The following SPON2 variants were observed in gnomAD, a reference collection of about 807,000 sequenced individuals.
The protein encoded by SPON2 is spondin 2.
In SPON2, 32 loss-of-function variants were observed where a neutral mutation model predicts 29.9. The observed-to-expected ratio is 1.07, with a 90% CI of 0.81 to 1.44. The LOEUF is 1.44. Ranked by LOEUF, SPON2 falls within the 40% of genes most tolerant of loss-of-function variation. The pLI, the probability that SPON2 is intolerant of heterozygous loss-of-function variation, is 0.00. For synonymous variants in SPON2, 248 were observed against 209.1 expected (o/e 1.19, Z -1.61); for missense variants, 541 against 455.5 (o/e 1.19, Z -1.71).
At chr4:1,169,521 G>A (rs1297276282) in intron 5 of SPON2, among the ~76,000 whole-genome samples, 2 of 152,162 alleles carry the variant, frequency 1.3e-5, no homozygotes, top group African/African-American at 4.8e-5. Flanking sequence ...TGCTTCCAGG[G>A]ACGGCTGACA....
chr4:1,195,736 C>A (rs1456549721), upstream of SPON2, among the ~76,000 whole-genome samples: 5 of 152,108 alleles, frequency 3.3e-5, no homozygotes, highest in African/African-American at 4.8e-5. Flanking sequence ...ACCCCCAGCC[C>A]CAGGATGCCC....
intron 1 of SPON2, among the ~76,000 whole-genome samples, chr4:1,189,426 G>A (rs1727861723): frequency 6.6e-6 from 1 of 151,858 alleles, no homozygotes; most frequent in Non-Finnish European, 1.5e-5. Context: ...GGAGGCTAAG[G>A]CAGGCAGATC....
chr4:1,207,326 G>A (rs1472414405), intron 1 of SPON2, among the ~76,000 whole-genome samples: 1 of 152,124 alleles, frequency 6.6e-6, no homozygotes, highest in East Asian at 1.9e-4. Context: ...CCACAGCCCT[G>A]GCCCCGGCTG....
At chr4:1,178,211 G>A (rs113422713), upstream of SPON2, among the ~76,000 whole-genome samples, 1 of 135,778 alleles carries the variant, frequency 7.4e-6, no homozygotes, top group Non-Finnish European at 1.6e-5. Context: ...CTCCGGCCAG[G>A]CACCACGGGC....
chr4:1,203,530 T>C (rs1334613273), intron 1 of SPON2, among the ~76,000 whole-genome samples: 2 of 152,210 alleles, frequency 1.3e-5, no homozygotes, highest in African/African-American at 2.4e-5. Flanking sequence ...TGCCCACCTT[T>C]GGGCTATTGT....
upstream of SPON2, chr4:1,172,902 CCCTCCCCT>C (rs1727509837): frequency 1.1e-5 from 1 of 94,704 alleles, no homozygotes; most frequent in African/African-American, 4.5e-5. Context: ...TCCCCTCCTC[CCCTCCCCT>C]CCTCCCCTCC....
intron 1 of SPON2, among the ~76,000 whole-genome samples, chr4:1,200,456 G>A (rs1039201768): frequency 1.4e-4 from 21 of 152,142 alleles, no homozygotes; most frequent in Non-Finnish European, 2.9e-4. Flanking sequence ...GGATGGCTGA[G>A]CCGCCCTGGT....
At chr4:1,193,991 C>T (rs1219401088) in intron 1 of SPON2, among the ~76,000 whole-genome samples, 2 of 151,816 alleles carry the variant, frequency 1.3e-5, no homozygotes, top group Admixed American at 6.6e-5. Context: ...CTTCTTTGGA[C>T]GAGGCTGCCA....
intron 5 of SPON2, among the ~76,000 whole-genome samples, chr4:1,169,024 T>C (rs575850162): frequency 6.6e-6 from 1 of 152,086 alleles, no homozygotes; most frequent in East Asian, 1.9e-4. Context: ...GCTCTGTCCG[T>C]CTCCCACCCT....
intron 1 of SPON2, 147 bp from the exon 2 acceptor site, chr4:1,172,221 T>C (rs6836952): frequency 0.99 from 672,735 of 681,438 alleles, 332,520 homozygotes; most frequent in East Asian, 1. Context: ...TCTCCTGCGG[T>C]GCTTCCGAGA....
intron 2 of SPON2, among the ~76,000 whole-genome samples, chr4:1,178,984 C>T (rs191896904): frequency 5.3e-4 from 81 of 152,248 alleles, no homozygotes; most frequent in Non-Finnish European, 8.4e-4. Flanking sequence ...TGAGCACTTC[C>T]GATTGATTGG....
chr4:1,200,805 A>C (rs1728181430), intron 1 of SPON2: 2 of 456,544 alleles, frequency 4.4e-6, no homozygotes, highest in African/African-American at 2.0e-5. Flanking sequence ...TGCTGTGAGC[A>C]AGTGGAGAAA....
intron 5 of SPON2, chr4:1,169,806 C>A: frequency 6.4e-6 from 1 of 156,324 alleles, no homozygotes; most frequent in Non-Finnish European, 1.4e-5. Flanking sequence ...CACGACCCAG[C>A]AATGCGCTCC....
chr4:1,167,176 T>G lies in SPON2; in HGVS notation c.*296A>C. 4 of 363,746 alleles carry G rather than the reference T, an allele frequency of 1.1e-5. No homozygotes were observed. Among genetic ancestry groups the G allele is most frequent in the Non-Finnish European group, 1.0e-5 (2 of 199,166 alleles). The allele number at this position is 363,746 out of a possible 1,614,324, so 22.5% of individuals were successfully genotyped here. On this transcript the variant is annotated 3_prime_UTR_variant, in exon 6 of 6. Transcript: ENST00000290902. ...AGCAGCAATAACTTATAAGGAGACATAATTTAGAGTAGCTGGAGCCTTGGG... is the reference window on the plus strand; with the variant it reads ...AGCAGCAATAACTTATAAGGAGACAGAATTTAGAGTAGCTGGAGCCTTGGG...
At chr4:1,190,353 T>G (rs150725668) in intron 1 of SPON2, among the ~76,000 whole-genome samples, 2 of 151,806 alleles carry the variant, frequency 1.3e-5, no homozygotes, top group South Asian at 2.1e-4. Context: ...GCTTCCCTGG[T>G]GAATTTTACC....
intron 2 of SPON2, 62 bp downstream of exon 2, chr4:1,171,790 G>C (rs1350227588): frequency 8.9e-7 from 1 of 1,119,036 alleles, no homozygotes; most frequent in Non-Finnish European, 1.4e-6. Context: ...GCAGCTGTGC[G>C]GGGGGCTCCG....
chr4:1,167,615 A>C lies in SPON2; in HGVS notation c.853T>G (p.Ser285Ala). The change falls in exon 6 of 6, where the codon TCC becomes GCC. Residue 285 changes from serine (S) to alanine (A), a missense_variant. Coordinates refer to ENST00000290902, the MANE Select transcript of SPON2 (RefSeq NM_012445.4). The stretch of plus-strand genomic sequence containing the variant: ...CAGTGGCCTCCGCACAGTCCCCAGG[A>C]CGACCACAGGGAGACCTCGCAGTCC... ...PLDCEVSLWS[S>A]WGLCGGHCGR... 1 of 1,613,012 alleles carries C rather than the reference A, an allele frequency of 6.2e-7. No individual in the cohort carries two copies. The highest frequency in any genetic ancestry group is 8.5e-7 in the Non-Finnish European group (1 of 1,179,752).
chr4:1,198,523 CA>C (rs1367900557), upstream of SPON2, among the ~76,000 whole-genome samples: 1 of 152,140 alleles, frequency 6.6e-6, no homozygotes, highest in Non-Finnish European at 1.5e-5. Flanking sequence ...TCACTTTTCG[CA>C]GATGCAAAAA....
chr4:1,171,519 G>A, intron 2 of SPON2, 33 bp from the exon 3 acceptor site: 4 of 1,593,752 alleles, frequency 2.5e-6, no homozygotes, highest in South Asian at 1.1e-5. Context: ...CGCGGACCAT[G>A]GTCAGACACT....
Sources: gnomAD v4.1 joint callset for allele counts (sites outside exome capture counted in the v4.1 genomes callset) on GRCh38, gnomAD v4.1.1 for gene constraint, MANE v1.5 for transcripts, NCBI Gene and HGNC (gene_info 2026-07-23, HGNC 2026-07-21) for gene names.